Variants in ATP8A1 observed in about 807,000 individuals in gnomAD.
The protein encoded by ATP8A1 is phospholipid-transporting ATPase IA.
In ATP8A1, 90 loss-of-function variants were observed where a neutral mutation model predicts 177.7. The ratio of observed to expected loss-of-function variants is 0.51; its 90% confidence interval spans 0.43 to 0.60. The LOEUF (loss-of-function observed/expected upper bound fraction) is 0.60. ATP8A1 is among the 20% of genes least tolerant of loss of function. The pLI is 0.00. For missense variants in ATP8A1, 1,072 were observed against 1,392.8 expected, an observed-to-expected ratio of 0.77 and a Z score of 3.67; for synonymous variants, 493 against 485.9, an observed-to-expected ratio of 1.01 and a Z score of -0.19.
Position 42,438,727 on chromosome 4 carries a change from C to T in ATP8A1, c.3123+4838G>A, listed in dbSNP as rs138193669. 3.9e-3 allele frequency among the ~76,000 whole-genome samples: 592 copies of T among 152,106 alleles called. 4 individuals are homozygous for T. Among genetic ancestry groups the T allele is most frequent in the Middle Eastern group, 0.014 (4 of 292 alleles). On this transcript the variant is annotated intron_variant, in intron 33 of 36. Transcript: ENST00000381668. The stretch of plus-strand genomic sequence containing the variant: ...CAAAAAGAGTTATCACCTGAGAGTA[C>T]GGAACAGCAATGGGCCCCAAAAAGA...
At chr4:42,588,489 GGC>G in intron 7 of ATP8A1, 160 bp from the exon 8 acceptor site, 1 of 587,210 alleles carries the variant, frequency 1.7e-6, no homozygotes, top group Non-Finnish European at 2.9e-6. Context: ...GATGCTGTGA[GGC>G]AGAACCCATG....
At chr4:42,580,886 G>A (rs1031931645) in intron 10 of ATP8A1, among the ~76,000 whole-genome samples, 3 of 152,058 alleles carry the variant, frequency 2.0e-5, no homozygotes, top group African/African-American at 4.8e-5. Flanking sequence ...TAAATGCTAT[G>A]AAAAATGGTC....
chr4:42,451,745 C>A (rs768586529), intron 30 of ATP8A1, among the ~76,000 whole-genome samples: 1 of 152,160 alleles, frequency 6.6e-6, no homozygotes, highest in East Asian at 1.9e-4. Flanking sequence ...TAACTCTCTG[C>A]AAGTTTGGAA....
chr4:42,499,136 T>A lies in ATP8A1; in HGVS notation c.2151+4314A>T, dbSNP rs530740924. ...CTCCTGATCAGGCTGAAGGTGAACA[T>A]CAACAACAGCAGAGACAATCTAGAA... On this transcript the variant is annotated intron_variant, in intron 24 of 36. Coordinates refer to ENST00000381668, the MANE Select transcript of ATP8A1 (RefSeq NM_006095.2). Among the ~76,000 whole-genome samples the A allele has an allele frequency of 2.0e-4, 30 of 152,200 alleles. No homozygotes were observed. In the South Asian group the frequency reaches 6.0e-3, roughly 30 times the overall value.
At chr4:42,591,715 C>T (rs112199374) in intron 6 of ATP8A1, among the ~76,000 whole-genome samples, 12 of 152,130 alleles carry the variant, frequency 7.9e-5, no homozygotes, top group African/African-American at 2.9e-4. Flanking sequence ...TTATTAAATG[C>T]TAAAATCTGT....
intron 20 of ATP8A1, among the ~76,000 whole-genome samples, chr4:42,533,439 G>A (rs1017115662): frequency 6.6e-6 from 1 of 151,996 alleles, no homozygotes; most frequent in South Asian, 2.1e-4. Flanking sequence ...AATCCCCCTG[G>A]GAACATAACT....
intron 19 of ATP8A1, among the ~76,000 whole-genome samples, chr4:42,548,792 C>T (rs938189311): frequency 6.6e-6 from 1 of 152,128 alleles, no homozygotes; most frequent in Admixed American, 6.5e-5. Flanking sequence ...TTTAAAACTG[C>T]AACCAGTAGT....
At chr4:42,575,075 T>C (rs1732308350) in intron 13 of ATP8A1, among the ~76,000 whole-genome samples, 1 of 152,222 alleles carries the variant, frequency 6.6e-6, no homozygotes, top group Admixed American at 6.5e-5. Context: ...GCTTGCGCAA[T>C]TAACTTCATG....
intron 16 of ATP8A1, among the ~76,000 whole-genome samples, chr4:42,552,913 G>GAGGCGGA: frequency 6.6e-6 from 1 of 152,148 alleles, no homozygotes. Context: ...CGGGAGGCGG[G>GAGGCGGA]AGGCGGAGGT....
chr4:42,586,902 A>G (rs1733664195), intron 8 of ATP8A1, among the ~76,000 whole-genome samples: 1 of 152,012 alleles, frequency 6.6e-6, no homozygotes. Context: ...GAGAAGGGAA[A>G]CTCCAAAACA....
intron 35 of ATP8A1, among the ~76,000 whole-genome samples, chr4:42,419,871 C>T (rs1713672311): frequency 6.6e-6 from 1 of 152,082 alleles, no homozygotes; most frequent in African/African-American, 2.4e-5. Flanking sequence ...GGTGTGATGG[C>T]GTGTGCCTGT....
intron 15 of ATP8A1, among the ~76,000 whole-genome samples, chr4:42,560,426 A>G (rs1357631940): frequency 2.6e-5 from 4 of 152,158 alleles, no homozygotes; most frequent in Non-Finnish European, 5.9e-5. Context: ...CATCTGAAAT[A>G]AACACCCTAT....
At chr4:42,554,589 A>G (rs1259736743) in intron 16 of ATP8A1, among the ~76,000 whole-genome samples, 3 of 152,206 alleles carry the variant, frequency 2.0e-5, no homozygotes. Context: ...GTGCTAGAGA[A>G]GATGCATATT....
intron 33 of ATP8A1, among the ~76,000 whole-genome samples, chr4:42,430,301 C>G (rs962913678): frequency 7.0e-6 from 1 of 142,798 alleles, no homozygotes; most frequent in Non-Finnish European, 1.6e-5. Flanking sequence ...GGCCTCCTGC[C>G]TGTTCCCTGT....
At chr4:42,594,883 TC>T (rs1227634157) in intron 6 of ATP8A1, among the ~76,000 whole-genome samples, 47 of 152,260 alleles carry the variant, frequency 3.1e-4, no homozygotes, top group African/African-American at 1.1e-3. Context: ...TGTCTGCAAA[TC>T]CTGATTTTGC....
intron 33 of ATP8A1, among the ~76,000 whole-genome samples, chr4:42,431,743 C>G (rs903949265): frequency 1.3e-5 from 2 of 152,148 alleles, no homozygotes; most frequent in Non-Finnish European, 2.9e-5. Context: ...TGATTTGTAC[C>G]ATGATCCCCC....
chr4:42,632,651 T>C (rs915785624), intron 1 of ATP8A1, among the ~76,000 whole-genome samples: 1 of 152,206 alleles, frequency 6.6e-6, no homozygotes, highest in Non-Finnish European at 1.5e-5. Context: ...CTATTTTAGC[T>C]TCCAGCAATA....
chr4:42,594,396 C>T (rs1338856355), intron 6 of ATP8A1: 1 of 1,189,260 alleles, frequency 8.4e-7, no homozygotes, highest in African/African-American at 1.5e-5. Flanking sequence ...TAATTATCTG[C>T]ATTGAAAGAT....
At chr4:42,551,311 CAT>C in intron 17 of ATP8A1, 31 bp from the exon 18 acceptor site, 2 of 1,494,578 alleles carry the variant, frequency 1.3e-6, no homozygotes, top group Non-Finnish European at 1.9e-6. Flanking sequence ...AAAGCAAACA[CAT>C]GATTGAAAAA....
Sources: allele counts gnomAD v4.1 joint callset (sites outside exome capture counted in the v4.1 genomes callset), GRCh38; gene constraint gnomAD v4.1.1; transcripts MANE v1.5; gene names NCBI Gene and HGNC (gene_info 2026-07-23, HGNC 2026-07-21).